ENPP2: variants seen among roughly 807,000 people sequenced by gnomAD.
The protein encoded by ENPP2 is autotaxin.
ENPP2 carries 51 observed loss-of-function variants against 120.2 expected under a neutral mutation model. That is an observed-to-expected ratio of 0.42 (90% CI 0.34 to 0.54). ENPP2 has a LOEUF of 0.54. ENPP2 is among the 20% of genes least tolerant of loss of function. The pLI is 0.04. For synonymous variants in ENPP2, 365 were observed against 366.4 expected, an observed-to-expected ratio of 1.00 and a Z score of 0.04; for missense variants, 920 against 1,066.5, an observed-to-expected ratio of 0.86 and a Z score of 1.91.
At chr8:119,659,334 A>AAAAAAAAAAAAAAAAAAAAAAAAC (rs58435393) in intron 1 of ENPP2, among the ~76,000 whole-genome samples, 1 of 130,740 alleles carries the variant, frequency 7.6e-6, no homozygotes, top group African/African-American at 2.7e-5. Context: ...AAAAAAAAAA[A>AAAAAAAAAAAAAAAAAAAAAAAAC]AAACCAGAGT....
intron 19 of ENPP2, chr8:119,572,153 T>G: frequency 6.7e-7 from 1 of 1,487,366 alleles, no homozygotes; most frequent in Middle Eastern, 1.7e-4. Flanking sequence ...AACCCAGACT[T>G]TCCTTCAAAA....
intron 11 of ENPP2, among the ~76,000 whole-genome samples, chr8:119,597,208 GT>G (rs1417615974): frequency 6.6e-6 from 1 of 152,110 alleles, no homozygotes; most frequent in Non-Finnish European, 1.5e-5. Context: ...TTGTTTGTTT[GT>G]TTTTTAATGC....
At chr8:119,645,038 C>T (rs573991992) in intron 1 of ENPP2, among the ~76,000 whole-genome samples, 96 of 152,210 alleles carry the variant, frequency 6.3e-4, no homozygotes, top group Non-Finnish European at 1.2e-3. Flanking sequence ...AAGTTTTACC[C>T]TAGGGTTGAC....
intron 18 of ENPP2, chr8:119,580,451 G>C: frequency 2.4e-6 from 1 of 423,270 alleles, no homozygotes; most frequent in Middle Eastern, 6.5e-4. Flanking sequence ...GGGTACTGAT[G>C]ATGACTTGGG....
chr8:119,651,895 C>T (rs372821966), intron 1 of ENPP2, among the ~76,000 whole-genome samples: 1 of 152,262 alleles, frequency 6.6e-6, no homozygotes, highest in African/African-American at 2.4e-5. Context: ...ATTTAGTAAG[C>T]ATCCACTGCA....
chr8:119,612,571 G>T (rs1283600932), intron 8 of ENPP2, among the ~76,000 whole-genome samples: 1 of 152,126 alleles, frequency 6.6e-6, no homozygotes, highest in Non-Finnish European at 1.5e-5. Context: ...AGCAATTCTA[G>T]GTCAAGCAAC....
In ENPP2 at chr8:119,590,515, G is replaced by C; in HGVS notation, c.1197C>G (p.Asn399Lys). The change falls in exon 13 of 25, where the codon AAC becomes AAG. Residue 399 changes from asparagine (N) to lysine (K), a missense_variant. Physicochemically the swap from Asn to Lys is moderately conservative, Grantham distance 94 (BLOSUM62 0). Coordinates refer to ENST00000075322, the MANE Select transcript of ENPP2 (RefSeq NM_001040092.3). ...TAAGAATCAACTTACATTTAGCATT[G>C]TTGCTAAATTTGGATCGAATTCTTC... ...TLGRIRSKFS[N>K]NAKYDPKAII... 1 of 1,595,654 alleles carries C rather than the reference G, an allele frequency of 6.3e-7. No homozygotes were observed. The highest frequency in any genetic ancestry group is 8.5e-7 in the Non-Finnish European group (1 of 1,171,598).
At chr8:119,626,539 G>T (rs751331800) in intron 3 of ENPP2, 26 bp downstream of exon 3, 80 of 1,604,684 alleles carry the variant, frequency 5.0e-5, no homozygotes, top group Admixed American at 8.3e-5. Flanking sequence ...CTACTTGAAG[G>T]TAGAGAGGAC....
At chr8:119,608,775 T>A (rs59579289) in intron 8 of ENPP2, among the ~76,000 whole-genome samples, 4,426 of 152,286 alleles carry the variant, frequency 0.029, 197 homozygotes, top group African/African-American at 0.1. Context: ...ATCTAGCATA[T>A]AGGATTATTC....
At chr8:119,605,703 G>A (rs1441331488) in intron 9 of ENPP2, among the ~76,000 whole-genome samples, 1 of 115,922 alleles carries the variant, frequency 8.6e-6, no homozygotes, top group Non-Finnish European at 1.7e-5. Flanking sequence ...CCTGACCTCA[G>A]GTGATCTGCC....
At chr8:119,565,259 G>T (rs1200406486) in intron 22 of ENPP2, among the ~76,000 whole-genome samples, 1 of 152,064 alleles carries the variant, frequency 6.6e-6, no homozygotes, top group Non-Finnish European at 1.5e-5. Flanking sequence ...GTGTTTCCCA[G>T]GCAGAACACG....
chr8:119,670,347 A>G (rs1394665895), intron 1 of ENPP2, among the ~76,000 whole-genome samples: 3 of 152,254 alleles, frequency 2.0e-5, no homozygotes, highest in Admixed American at 2.0e-4. Context: ...CTTAACCTTT[A>G]TTCCTTAGCA....
intron 20 of ENPP2, among the ~76,000 whole-genome samples, chr8:119,570,486 A>C (rs1814873545): frequency 1.3e-5 from 2 of 152,358 alleles, no homozygotes; most frequent in South Asian, 4.1e-4. Flanking sequence ...TAAAAGAATT[A>C]GTGATCTACC....
chr8:119,657,964 T>C (rs1256875455), intron 1 of ENPP2, among the ~76,000 whole-genome samples: 1 of 152,182 alleles, frequency 6.6e-6, no homozygotes, highest in Non-Finnish European at 1.5e-5. Context: ...TCATCCATAG[T>C]AAATGATTAG....
In ENPP2 at chr8:119,619,209, CA is replaced by C. The variant is rs746352177; in HGVS notation, c.479+34del. The C allele has an allele frequency of 1.2e-5, 17 of 1,437,062 alleles. No homozygotes were observed. In the East Asian group the frequency reaches 3.9e-4, roughly 33 times the overall value. 89.0% of individuals were successfully genotyped at this position (1,437,062 alleles called of 1,614,324 possible). A position where few individuals can be genotyped will look rare whatever the true frequency, so the allele number is the denominator to read the frequency against. ...TCCTGTGAGAGTTTATCAGCTAATA[CA>C]TAAAACTTCAAAATAGTCATAAAAT... is the stretch of plus-strand genomic sequence containing the variant. On this transcript the variant is annotated intron_variant, in intron 5 of 24. Transcript: ENST00000075322.
Position 119,644,619 on chromosome 8 carries a change from T to C in ENPP2, c.22-6092A>G, listed in dbSNP as rs1454281203. Among the ~76,000 whole-genome samples the C allele has an allele frequency of 7.2e-3, 763 of 106,570 alleles. 14 individuals carry two copies. Among genetic ancestry groups the C allele is most frequent in the African/African-American group, 0.023 (602 of 25,818 alleles). 69.9% of individuals were successfully genotyped at this position (106,570 alleles called of 152,430 possible). ...ATATATATATATATATATATATATATATATATACACACACACACACACACA... is the reference window on the plus strand; with the variant it reads ...ATATATATATATATATATATATATACATATATACACACACACACACACACA... On this transcript the variant is annotated intron_variant, in intron 1 of 25. Coordinates refer to the ENPP2 transcript ENST00000427067.
chr8:119,576,944 A>G (rs1812382496), intron 19 of ENPP2, among the ~76,000 whole-genome samples: 2 of 152,222 alleles, frequency 1.3e-5, no homozygotes, highest in African/African-American at 2.4e-5. Flanking sequence ...TGATTCCATA[A>G]CAGTTTAAAT....
At chr8:119,601,775 G>A (rs1048338396) in intron 9 of ENPP2, among the ~76,000 whole-genome samples, 2 of 152,092 alleles carry the variant, frequency 1.3e-5, no homozygotes, top group African/African-American at 4.8e-5. Context: ...CAGAATCATT[G>A]TCATTTATTC....
At chr8:119,647,478 A>C (rs1817504872) in intron 1 of ENPP2, among the ~76,000 whole-genome samples, 1 of 152,230 alleles carries the variant, frequency 6.6e-6, no homozygotes, top group South Asian at 2.1e-4. Flanking sequence ...TCTGTTATTC[A>C]CTAGCTTTGT....
Sources: allele counts gnomAD v4.1 joint callset (sites outside exome capture counted in the v4.1 genomes callset), GRCh38; gene constraint gnomAD v4.1.1; transcripts MANE v1.5; gene names NCBI Gene and HGNC (gene_info 2026-07-23, HGNC 2026-07-21).